The following TTC28 variants were observed in gnomAD, a reference collection of about 807,000 sequenced individuals.
TTC28 encodes tetratricopeptide repeat domain 28.
TTC28 carries 61 observed loss-of-function variants against 198.0 expected under a neutral mutation model. The ratio of observed to expected loss-of-function variants is 0.31; its 90% CI spans 0.25 to 0.38. The LOEUF (loss-of-function observed/expected upper bound fraction) is 0.38. Ranked by LOEUF, TTC28 falls within the 10% of genes least tolerant of loss-of-function variation. The pLI, the probability that TTC28 is intolerant of heterozygous loss-of-function variation, is 1.00. For synonymous variants in TTC28, 1,171 were observed against 1,297.8 expected (o/e 0.90, Z 2.10); for missense variants, 2,678 against 3,164.0 (o/e 0.85, Z 3.69).
At chr22:27,995,711 G>C (rs1328921621) in intron 17 of TTC28, among the ~76,000 whole-genome samples, 1 of 152,164 alleles carries the variant, frequency 6.6e-6, no homozygotes, top group East Asian at 1.9e-4. Flanking sequence ...TTCCAGATGA[G>C]AACACTGAGG....
chr22:28,464,125 C>T (rs1254751441), intron 2 of TTC28, among the ~76,000 whole-genome samples: 2 of 152,020 alleles, frequency 1.3e-5, no homozygotes, highest in Non-Finnish European at 2.9e-5. Flanking sequence ...TAACCCTTTC[C>T]ATCATCTTCC....
chr22:28,076,142 G>A (rs1241673021), intron 12 of TTC28, among the ~76,000 whole-genome samples: 1 of 152,158 alleles, frequency 6.6e-6, no homozygotes, highest in African/African-American at 2.4e-5. Context: ...TTGGGGGTAA[G>A]AAAAAACACT....
chr22:28,590,670 G>C (rs1166174187), intron 2 of TTC28, among the ~76,000 whole-genome samples: 1 of 151,994 alleles, frequency 6.6e-6, no homozygotes, highest in Non-Finnish European at 1.5e-5. Context: ...TTACAGCAGT[G>C]ATCCAAGATA....
At chr22:28,313,159 C>G (rs530663228) in intron 2 of TTC28, among the ~76,000 whole-genome samples, 4 of 152,050 alleles carry the variant, frequency 2.6e-5, no homozygotes, top group Non-Finnish European at 5.9e-5. Flanking sequence ...AAGACTAAAC[C>G]AGGAAGAAGT....
chr22:27,999,516 G>T, intron 15 of TTC28: 1 of 530,498 alleles, frequency 1.9e-6, no homozygotes, highest in Non-Finnish European at 3.3e-6. Context: ...AGAGGATTGG[G>T]GGAGGAGGCC....
intron 5 of TTC28, among the ~76,000 whole-genome samples, chr22:28,193,425 C>T (rs1925067689): frequency 6.6e-6 from 1 of 152,170 alleles, no homozygotes; most frequent in South Asian, 2.1e-4. Context: ...GGATCAAATT[C>T]ACACATAACA....
Position 28,563,771 on chromosome 22 carries a change from T to C in TTC28, c.381+65781A>G, listed in dbSNP as rs1471273887. Among the ~76,000 whole-genome samples the C allele has an allele frequency of 2.0e-5, 3 of 152,182 alleles. No homozygotes were observed. In the East Asian group the frequency reaches 5.8e-4, roughly 29 times the overall value. On this transcript the variant is annotated intron_variant, in intron 2 of 22. Transcript: ENST00000397906. ...CAAAGAGTCAAACATAGAATTACTA[T>C]ATAAGTCAGCAATTCCATGCCTAGG...
intron 13 of TTC28, among the ~76,000 whole-genome samples, chr22:28,026,102 G>A (rs1406879827): frequency 2.0e-5 from 3 of 152,192 alleles, no homozygotes; most frequent in Admixed American, 6.5e-5. Flanking sequence ...AGGCTTTCAC[G>A]CGTGGATTTG....
intron 2 of TTC28, among the ~76,000 whole-genome samples, chr22:28,557,795 A>T (rs1321177755): frequency 6.6e-6 from 1 of 152,012 alleles, no homozygotes; most frequent in Admixed American, 6.6e-5. Context: ...TCAGAGAGAG[A>T]ATTTATATTT....
intron 13 of TTC28, among the ~76,000 whole-genome samples, chr22:28,018,298 T>TGTGTGTGTGTGTGTGCGCGC (rs1938455721): frequency 7.8e-5 from 3 of 38,644 alleles, no homozygotes; most frequent in African/African-American, 3.4e-4. Context: ...CGCGCGTGTG[T>TGTGTGTGTGTGTGTGCGCGC]GCGCGCGCGG....
At chr22:28,140,516 T>A (rs1943306934) in intron 6 of TTC28, among the ~76,000 whole-genome samples, 1 of 152,192 alleles carries the variant, frequency 6.6e-6, no homozygotes, top group African/African-American at 2.4e-5. Flanking sequence ...GTTCCACCTA[T>A]GTCAACATTC....
chr22:28,394,575 C>G (rs1462918574), intron 2 of TTC28, among the ~76,000 whole-genome samples: 1 of 152,188 alleles, frequency 6.6e-6, no homozygotes, highest in African/African-American at 2.4e-5. Context: ...ATAAAAAGAT[C>G]TAATCTGCAA....
At chr22:28,431,283 A>C (rs948421238) in intron 2 of TTC28, among the ~76,000 whole-genome samples, 25 of 152,230 alleles carry the variant, frequency 1.6e-4, no homozygotes, top group African/African-American at 5.8e-4. Context: ...ACTTATGATA[A>C]ATTTGATTTT....
chr22:28,076,440 C>T (rs1403041382), intron 12 of TTC28, among the ~76,000 whole-genome samples: 1 of 152,148 alleles, frequency 6.6e-6, no homozygotes, highest in African/African-American at 2.4e-5. Flanking sequence ...TGCTTAAAAA[C>T]CCCTGCTTTT....
chr22:28,559,253 G>T (rs1438423986), intron 2 of TTC28, among the ~76,000 whole-genome samples: 1 of 152,090 alleles, frequency 6.6e-6, no homozygotes, highest in Non-Finnish European at 1.5e-5. Context: ...CAAAATGTCA[G>T]TTAAAATGTC....
At chr22:28,203,832 C>T (rs755628019) in intron 5 of TTC28, among the ~76,000 whole-genome samples, 2 of 152,098 alleles carry the variant, frequency 1.3e-5, no homozygotes, top group Non-Finnish European at 2.9e-5. Context: ...CCAGCAGAAG[C>T]ACCACTGTTT....
At chr22:28,312,817 C>A (rs2045287421) in intron 2 of TTC28, among the ~76,000 whole-genome samples, 1 of 151,996 alleles carries the variant, frequency 6.6e-6, no homozygotes, top group African/African-American at 2.4e-5. Context: ...GAAGCAAGAG[C>A]AAACACATTC....
intron 12 of TTC28, among the ~76,000 whole-genome samples, chr22:28,082,360 C>T (rs753300777): frequency 7.2e-4 from 109 of 152,262 alleles, no homozygotes; most frequent in Admixed American, 1.4e-3. Context: ...CAAATTATTG[C>T]TCATTAGTAT....
intron 5 of TTC28, among the ~76,000 whole-genome samples, chr22:28,192,902 CA>C (rs1359776084): frequency 6.6e-6 from 1 of 152,192 alleles, no homozygotes; most frequent in Non-Finnish European, 1.5e-5. Context: ...CCCAACCTAG[CA>C]AGGCAGGCCA....
Sources: allele counts gnomAD v4.1 joint callset (sites outside exome capture counted in the v4.1 genomes callset), GRCh38; gene constraint gnomAD v4.1.1; transcripts MANE v1.5; gene names NCBI Gene and HGNC (gene_info 2026-07-23, HGNC 2026-07-21).